BLTP3A: variants seen among roughly 807,000 people sequenced by gnomAD.
BLTP3A encodes bridge-like lipid transfer protein family member 3A.
chr6:34,805,246 A>G, the BLTP3A span, among the ~76,000 whole-genome samples: 3 of 151,994 alleles, frequency 2.0e-5, no homozygotes, highest in Non-Finnish European at 4.4e-5. Context: ...GTGCCACTAC[A>G]CTTCAGCCTG....
the BLTP3A span, among the ~76,000 whole-genome samples, chr6:34,832,785 C>T: frequency 6.6e-6 from 1 of 152,116 alleles, no homozygotes; most frequent in Non-Finnish European, 1.5e-5. Context: ...TTTATTTCTT[C>T]TGTGACCTGT....
chr6:34,869,624 T>C, the BLTP3A span, among the ~76,000 whole-genome samples: 1 of 150,732 alleles, frequency 6.6e-6, no homozygotes, highest in African/African-American at 2.5e-5. Flanking sequence ...TATAATGTTA[T>C]TGTATACATA....
At chr6:34,843,450 C>A in the BLTP3A span, among the ~76,000 whole-genome samples, 12 of 151,918 alleles carry the variant, frequency 7.9e-5, no homozygotes, top group Admixed American at 7.2e-4. Flanking sequence ...AAGTTATTTT[C>A]TTTTTTCTTT....
At chr6:34,848,621 T>A in the BLTP3A span, among the ~76,000 whole-genome samples, 9 of 146,378 alleles carry the variant, frequency 6.1e-5, no homozygotes, top group East Asian at 1.0e-3. Flanking sequence ...AAAAAAAAAA[T>A]ACATAGCTAT....
At chr6:34,831,288 C>T in the BLTP3A span, among the ~76,000 whole-genome samples, 2 of 152,008 alleles carry the variant, frequency 1.3e-5, no homozygotes, top group African/African-American at 2.4e-5. Context: ...CCACCACGCC[C>T]AGCTAATTTT....
chr6:34,814,639 A>G, the BLTP3A span, among the ~76,000 whole-genome samples: 1 of 152,174 alleles, frequency 6.6e-6, no homozygotes, highest in Admixed American at 6.5e-5. Flanking sequence ...CTGATGGCAC[A>G]GTATCCTCTG....
At chr6:34,827,708 T>G in the BLTP3A span, among the ~76,000 whole-genome samples, 1 of 152,178 alleles carries the variant, frequency 6.6e-6, no homozygotes, top group Non-Finnish European at 1.5e-5. Context: ...CTCGGCTCAC[T>G]GCAACCTCTG....
the BLTP3A span, among the ~76,000 whole-genome samples, chr6:34,793,240 C>T: frequency 6.6e-6 from 1 of 152,158 alleles, no homozygotes; most frequent in Non-Finnish European, 1.5e-5. Flanking sequence ...CAACCAGTGG[C>T]CACAAAAATT....
the BLTP3A span, among the ~76,000 whole-genome samples, chr6:34,865,412 T>G: frequency 6.6e-6 from 1 of 152,258 alleles, no homozygotes; most frequent in African/African-American, 2.4e-5. Context: ...CATTGTGTGT[T>G]TGTACCACAT....
At chr6:34,855,643 G>C in the BLTP3A span, 1 of 1,613,762 alleles carries the variant, frequency 6.2e-7, no homozygotes, top group Non-Finnish European at 8.5e-7. Flanking sequence ...ACTCATGGGT[G>C]GTGCCATGCA....
At chr6:34,814,823 C>T in the BLTP3A span, among the ~76,000 whole-genome samples, 1 of 152,088 alleles carries the variant, frequency 6.6e-6, no homozygotes, top group African/African-American at 2.4e-5. Flanking sequence ...GATGTATTCC[C>T]CTTAACACAG....
chr6:34,813,515 A>T, the BLTP3A span, among the ~76,000 whole-genome samples: 3 of 152,154 alleles, frequency 2.0e-5, no homozygotes, highest in African/African-American at 7.2e-5. Flanking sequence ...TGTTTTTCCA[A>T]CCTGATTTCA....
chr6:34,821,585 T>C, the BLTP3A span: 1 of 1,437,404 alleles, frequency 7.0e-7, no homozygotes, highest in Non-Finnish European at 9.4e-7. Context: ...TTCAGAAGTG[T>C]TTTGGCTGTA....
the BLTP3A span, among the ~76,000 whole-genome samples, chr6:34,848,928 G>T: frequency 7.1e-6 from 1 of 141,530 alleles, no homozygotes; most frequent in South Asian, 2.3e-4. Flanking sequence ...ATTTCCTCTA[G>T]TGCTACATTT....
chr6:34,855,017 CAT>C, the BLTP3A span, among the ~76,000 whole-genome samples: 1 of 152,146 alleles, frequency 6.6e-6, no homozygotes, highest in African/African-American at 2.4e-5. Flanking sequence ...TCAAGGTAAA[CAT>C]AATGTAATAT....
chr6:34,792,221 C>T, the BLTP3A span: 2 of 1,532,326 alleles, frequency 1.3e-6, no homozygotes, highest in Non-Finnish European at 1.8e-6. Context: ...TGCCGGCCCA[C>T]CCGCCTTCCA....
the BLTP3A span, chr6:34,872,502 A>G: frequency 1.3e-6 from 2 of 1,546,142 alleles, no homozygotes; most frequent in South Asian, 2.6e-5. Context: ...ACCACCTAGG[A>G]CAGAGGGCAC....
the BLTP3A span, among the ~76,000 whole-genome samples, chr6:34,854,291 T>TC: frequency 6.6e-6 from 1 of 152,156 alleles, no homozygotes; most frequent in Non-Finnish European, 1.5e-5. Context: ...ATATTTAAAA[T>TC]TTTGATTATA....
the BLTP3A span, among the ~76,000 whole-genome samples, chr6:34,831,516 G>A: frequency 6.6e-6 from 1 of 152,106 alleles, no homozygotes; most frequent in African/African-American, 2.4e-5. Flanking sequence ...ATGGTTAGCA[G>A]TTTTTGTATC....
Sources: allele counts gnomAD v4.1 joint callset (sites outside exome capture counted in the v4.1 genomes callset), GRCh38; gene constraint gnomAD v4.1.1; transcripts MANE v1.5; gene names NCBI Gene and HGNC (gene_info 2026-07-23, HGNC 2026-07-21).